WDFY4: variants seen among roughly 807,000 people sequenced by gnomAD.
WDFY4 encodes the protein WD repeat- and FYVE domain-containing protein 4.
WDFY4 carries 169 observed loss-of-function variants against 351.9 expected under a neutral mutation model. The ratio of observed to expected loss-of-function variants is 0.48; its 90% confidence interval spans 0.42 to 0.55. WDFY4 has a LOEUF of 0.55. Among genes scored for constraint, WDFY4 ranks in the 20% least tolerant of loss-of-function variants. The pLI is 0.00. For synonymous variants in WDFY4, 1,622 were observed against 1,574.6 expected, an observed-to-expected ratio of 1.03 and a Z score of -0.71; for missense variants, 3,803 against 3,935.6, an observed-to-expected ratio of 0.97 and a Z score of 0.90.
intron 57 of WDFY4, among the ~76,000 whole-genome samples, chr10:48,971,779 C>T (rs1293855248): frequency 6.6e-6 from 1 of 152,150 alleles, no homozygotes; most frequent in Non-Finnish European, 1.5e-5. Context: ...GCAGTGCACC[C>T]CTGAGAGGCA....
intron 19 of WDFY4, among the ~76,000 whole-genome samples, chr10:48,780,535 C>T (rs539405238): frequency 9.2e-5 from 14 of 152,290 alleles, no homozygotes; most frequent in East Asian, 1.9e-4. Context: ...TTGCACCACA[C>T]GGAGGAGCAG....
intron 26 of WDFY4, 27 bp downstream of exon 26, chr10:48,805,448 A>G (rs1033150399): frequency 1.9e-6 from 3 of 1,544,198 alleles, no homozygotes; most frequent in South Asian, 1.2e-5. Context: ...CCCAGGGGGA[A>G]GAGCAGGGCC....
chr10:48,827,416 C>A (rs971307434), intron 36 of WDFY4, among the ~76,000 whole-genome samples: 2 of 150,722 alleles, frequency 1.3e-5, no homozygotes, highest in Non-Finnish European at 3.0e-5. Flanking sequence ...TATTTGAGTC[C>A]TTTTCTTGAA....
At chr10:48,742,805 A>G (rs1241233893) in intron 11 of WDFY4, among the ~76,000 whole-genome samples, 163 bp from the exon 12 acceptor site, 1 of 152,220 alleles carries the variant, frequency 6.6e-6, no homozygotes, top group African/African-American at 2.4e-5. Context: ...CCGTAAGAGG[A>G]ACAATATGGA....
intron 43 of WDFY4, among the ~76,000 whole-genome samples, chr10:48,886,515 T>C (rs984314497): frequency 6.6e-6 from 1 of 152,234 alleles, no homozygotes; most frequent in African/African-American, 2.4e-5. Context: ...AGTGGGATCC[T>C]GATAAAAAGG....
intron 37 of WDFY4, among the ~76,000 whole-genome samples, chr10:48,829,847 C>G (rs1437681801): frequency 6.6e-6 from 1 of 152,160 alleles, no homozygotes; most frequent in Non-Finnish European, 1.5e-5. Flanking sequence ...AGTAAAACTT[C>G]ATCTCAAAAA....
At chr10:48,771,113 C>A (rs969459368) in intron 13 of WDFY4, among the ~76,000 whole-genome samples, 1 of 152,168 alleles carries the variant, frequency 6.6e-6, no homozygotes, top group Non-Finnish European at 1.5e-5. Context: ...GGAAGGCAGG[C>A]GGGAGGCTGT....
intron 40 of WDFY4, among the ~76,000 whole-genome samples, chr10:48,871,356 A>C (rs2069771524): frequency 6.6e-6 from 1 of 152,242 alleles, no homozygotes; most frequent in South Asian, 2.1e-4. Flanking sequence ...ATGTCACTAC[A>C]ATCTCCAGGG....
intron 39 of WDFY4, among the ~76,000 whole-genome samples, chr10:48,842,783 C>T (rs1417713361): frequency 1.3e-5 from 2 of 152,202 alleles, no homozygotes; most frequent in East Asian, 1.9e-4. Flanking sequence ...GCTACAGTGA[C>T]TTGCTTTGTC....
Position 48,778,810 on chromosome 10 carries a change from A to G in WDFY4, c.3375A>G (p.Glu1125=). ...ACCTCTCCTTGGTTGTTTCTACAGA[A>G]GAGAAGGAGTTTCAGCCTCTGGGTA... is the stretch of plus-strand genomic sequence containing the variant. The part of the protein sequence containing the change: ...PDDLSLVVST[E]EKEFQPLDVM... The change falls in exon 18 of 62, where the codon GAA becomes GAG. Residue 1125 remains glutamate (E), a synonymous_variant. Transcript: ENST00000325239. The G allele has an allele frequency of 6.4e-7, 1 of 1,551,210 alleles. No individual in the cohort carries two copies. The highest frequency in any genetic ancestry group is 8.7e-7 in the Non-Finnish European group (1 of 1,147,036).
At chr10:48,808,632 T>C (rs1374929848) in intron 28 of WDFY4, among the ~76,000 whole-genome samples, 2 of 152,156 alleles carry the variant, frequency 1.3e-5, no homozygotes, top group East Asian at 1.9e-4. Context: ...GGCTTGGGGG[T>C]AAAGAGTTAC....
intron 29 of WDFY4, among the ~76,000 whole-genome samples, chr10:48,810,961 C>A (rs1314402944): frequency 6.6e-6 from 1 of 152,168 alleles, no homozygotes; most frequent in African/African-American, 2.4e-5. Context: ...GCCTTCCATT[C>A]CTCCCACCTG....
chr10:48,803,534 G>A (rs1414173491), intron 25 of WDFY4, among the ~76,000 whole-genome samples, 175 bp downstream of exon 25: 2 of 152,098 alleles, frequency 1.3e-5, no homozygotes, highest in Non-Finnish European at 2.9e-5. Flanking sequence ...ATGGTCTCGG[G>A]CCTCAGGAGG....
rs766107196 is a variant in WDFY4, at chr10:48,933,394, GCCCTTTC to G, written c.7587-8409_7587-8403del. ...CGACTGGAGCCAGCATCTCTCTGGT[GCCCTTTC>G]CCAAGGACTTAGCTGCCATCTGGCT... On this transcript the variant is annotated intron_variant, in intron 47 of 61. Transcript: ENST00000325239. Among the ~76,000 whole-genome samples the G allele has an allele frequency of 3.0e-4, 46 of 152,348 alleles. No individual in the cohort carries two copies. The Middle Eastern group carries it at 0.014, about 45-fold the overall frequency.
intron 49 of WDFY4, among the ~76,000 whole-genome samples, chr10:48,945,767 T>C (rs1307129280): frequency 6.6e-6 from 1 of 152,242 alleles, no homozygotes; most frequent in Non-Finnish European, 1.5e-5. Context: ...GTCTTTTCAG[T>C]AGCTGGAGGC....
chr10:48,689,445 C>CA (rs1417249923), intron 1 of WDFY4, among the ~76,000 whole-genome samples: 2 of 152,166 alleles, frequency 1.3e-5, no homozygotes, highest in South Asian at 4.1e-4. Context: ...AAACTAACAA[C>CA]AAAAAATTAT....
chr10:48,786,595 C>G, intron 19 of WDFY4, 44 bp from the exon 20 acceptor site: 1 of 1,429,180 alleles, frequency 7.0e-7, no homozygotes, highest in Non-Finnish European at 9.5e-7. Flanking sequence ...TTGATTAACT[C>G]TGAGATCAAA....
chr10:48,771,340 G>A (rs547150160), intron 13 of WDFY4, among the ~76,000 whole-genome samples: 14 of 152,280 alleles, frequency 9.2e-5, no homozygotes, highest in South Asian at 8.3e-4. Context: ...GACTGCCCGC[G>A]TGGAGAGGAG....
intron 12 of WDFY4, among the ~76,000 whole-genome samples, chr10:48,756,665 C>G (rs2065346743): frequency 6.6e-6 from 1 of 152,020 alleles, no homozygotes; most frequent in African/African-American, 2.4e-5. Context: ...TTCTTTTTAT[C>G]ATGAGCAGAT....
Sources: gnomAD v4.1 joint callset for allele counts (sites outside exome capture counted in the v4.1 genomes callset) on GRCh38, gnomAD v4.1.1 for gene constraint, MANE v1.5 for transcripts, NCBI Gene and HGNC (gene_info 2026-07-23, HGNC 2026-07-21) for gene names.